Variants in ABCB5 observed in about 807,000 individuals in gnomAD.
ABCB5 encodes ATP-binding cassette sub-family B member 5.
Under a neutral mutation model 144.2 loss-of-function variants are expected in ABCB5, and 155 were observed. The observed-to-expected ratio is 1.08, with a 90% CI of 0.94 to 1.23. ABCB5 has a LOEUF of 1.23. Among genes scored for constraint, ABCB5 ranks in the 50% most tolerant of loss-of-function variants. The pLI is 0.00. For synonymous variants in ABCB5, 610 were observed against 528.6 expected, an observed-to-expected ratio of 1.15 and a Z score of -2.11; for missense variants, 1,830 against 1,520.8, an observed-to-expected ratio of 1.20 and a Z score of -3.38.
intron 20 of ABCB5, among the ~76,000 whole-genome samples, chr7:20,717,319 C>G (rs1445099971): frequency 1.3e-5 from 2 of 152,084 alleles, no homozygotes; most frequent in Admixed American, 1.3e-4. Flanking sequence ...AGCCCAAGAA[C>G]AAGATGTCCG....
chr7:20,707,018 A>G (rs1217710049), intron 20 of ABCB5, among the ~76,000 whole-genome samples: 1 of 152,194 alleles, frequency 6.6e-6, no homozygotes, highest in Non-Finnish European at 1.5e-5. Context: ...TTGTTTACCA[A>G]ACTTATTTGT....
chr7:20,705,985 A>G (rs543998033), intron 20 of ABCB5, among the ~76,000 whole-genome samples: 121 of 152,150 alleles, frequency 8.0e-4, no homozygotes, highest in Non-Finnish European at 1.4e-3. Context: ...GGGCATCTTC[A>G]TCTCTTCCTG....
intron 1 of ABCB5, among the ~76,000 whole-genome samples, chr7:20,620,998 G>A (rs1349054625): frequency 6.6e-6 from 1 of 152,100 alleles, no homozygotes. Flanking sequence ...CAATCCAAGT[G>A]TCCATCAACA....
intron 5 of ABCB5, among the ~76,000 whole-genome samples, chr7:20,642,331 C>T (rs1318161536): frequency 6.6e-6 from 1 of 152,124 alleles, no homozygotes; most frequent in Non-Finnish European, 1.5e-5. Flanking sequence ...AAATATTTTT[C>T]CTCTCCCTGG....
At chr7:20,682,782 C>T (rs745518061) in intron 15 of ABCB5, among the ~76,000 whole-genome samples, 4 of 152,108 alleles carry the variant, frequency 2.6e-5, no homozygotes, top group Non-Finnish European at 4.4e-5. Flanking sequence ...CACAGATGGA[C>T]CAGAAAGCTC....
chr7:20,662,974 G>C (rs976572376), intron 14 of ABCB5, among the ~76,000 whole-genome samples: 3 of 152,172 alleles, frequency 2.0e-5, no homozygotes, highest in Admixed American at 1.3e-4. Flanking sequence ...GATGATAACA[G>C]CTAATCCTCA....
chr7:20,680,346 C>T (rs1399271841), intron 14 of ABCB5, among the ~76,000 whole-genome samples: 2 of 152,088 alleles, frequency 1.3e-5, no homozygotes, highest in African/African-American at 4.8e-5. Context: ...ATCACAAGGT[C>T]AGGAGATCGA....
intron 14 of ABCB5, among the ~76,000 whole-genome samples, chr7:20,668,108 A>G (rs1254188351): frequency 2.3e-4 from 26 of 113,674 alleles, no homozygotes; most frequent in African/African-American, 8.4e-4. Context: ...TTGGCCTCCC[A>G]AAGTGCCGAG....
At chr7:20,701,103 G>C (rs1371945245) in intron 19 of ABCB5, among the ~76,000 whole-genome samples, 1 of 152,150 alleles carries the variant, frequency 6.6e-6, no homozygotes, top group African/African-American at 2.4e-5. Flanking sequence ...GTGCAAAAAG[G>C]TCCCATTTCT....
Position 20,686,637 on chromosome 7 carries a change from C to T in ABCB5, c.2010+801C>T, listed in dbSNP as rs114774768. The stretch of plus-strand genomic sequence containing the variant: ...CAAACCCAGTCGACCTTTGCTAGCC[C>T]CTGGTGCTCTGTAACCTCACATGCC... On this transcript the variant is annotated intron_variant, in intron 16 of 27. Coordinates refer to ENST00000404938, the MANE Select transcript of ABCB5 (RefSeq NM_001163941.2). Among the ~76,000 whole-genome samples the T allele has an allele frequency of 7.8e-3, 1,182 of 152,214 alleles. 13 individuals are homozygous for T. Among genetic ancestry groups the T allele is most frequent in the African/African-American group, 0.027 (1,124 of 41,548 alleles).
intron 20 of ABCB5, among the ~76,000 whole-genome samples, chr7:20,711,550 C>T (rs960149331): frequency 6.1e-5 from 9 of 147,738 alleles, no homozygotes; most frequent in Non-Finnish European, 1.3e-4. Context: ...CAGCCTTGAC[C>T]TACCAGGCTC....
intron 13 of ABCB5, among the ~76,000 whole-genome samples, 190 bp from the exon 14 acceptor site, chr7:20,658,316 T>G (rs1357345313): frequency 6.8e-6 from 1 of 147,154 alleles, no homozygotes; most frequent in Non-Finnish European, 1.5e-5. Flanking sequence ...ATGTCCTCTC[T>G]TCTTTGGGCT....
chr7:20,732,450 T>G (rs1332482712), intron 23 of ABCB5, among the ~76,000 whole-genome samples: 1 of 152,246 alleles, frequency 6.6e-6, no homozygotes, highest in Non-Finnish European at 1.5e-5. Context: ...GTAACCTATC[T>G]TGTTCACTGA....
chr7:20,744,687 C>T (rs945871169), intron 25 of ABCB5, among the ~76,000 whole-genome samples: 3 of 151,908 alleles, frequency 2.0e-5, no homozygotes, highest in African/African-American at 7.3e-5. Flanking sequence ...GGGTGCAGCA[C>T]ACCAACATGG....
intron 12 of ABCB5, 116 bp downstream of exon 12, chr7:20,650,263 T>C (rs1784541526): frequency 7.5e-6 from 10 of 1,336,766 alleles, no homozygotes; most frequent in Admixed American, 2.5e-5. Context: ...AGAAGCCATA[T>C]TGTTTTCTTT....
At chr7:20,710,794 G>T (rs1044462269) in intron 20 of ABCB5, among the ~76,000 whole-genome samples, 2 of 150,058 alleles carry the variant, frequency 1.3e-5, no homozygotes, top group African/African-American at 4.9e-5. Flanking sequence ...AAATGATTAG[G>T]TTTAAGTCTC....
At position 20,651,425 on chromosome 7, in the gene ABCB5, G is replaced by A. The variant is rs752774628; in HGVS notation, c.1338G>A (p.Met446Ile). 24 of 1,613,768 alleles carry A rather than the reference G, an allele frequency of 1.5e-5. No homozygotes were observed. The highest frequency in any genetic ancestry group is 2.0e-5 in the Non-Finnish European group (24 of 1,179,928). The change falls in exon 13 of 28, where the codon ATG becomes ATA. Residue 446 changes from methionine (M) to isoleucine (I), a missense_variant. Met to Ile is a conservative substitution (Grantham distance 10). Coordinates refer to ENST00000404938, the MANE Select transcript of ABCB5 (RefSeq NM_001163941.2). The stretch of plus-strand genomic sequence containing the variant: ...TTCATTCTTTGGATTGGCAGATCAT[G>A]GTGGATGAGAATGACATCAGAGCTT... The part of the protein sequence containing the change: ...RLYDPDDGFI[M>I]VDENDIRALN...
intron 14 of ABCB5, among the ~76,000 whole-genome samples, chr7:20,675,540 T>A (rs1017520411): frequency 6.6e-6 from 1 of 152,014 alleles, no homozygotes; most frequent in Non-Finnish European, 1.5e-5. Context: ...AAACTTAAAA[T>A]GAAACTGTAA....
At chr7:20,651,106 G>A (rs527385230) in intron 12 of ABCB5, among the ~76,000 whole-genome samples, 79 of 152,272 alleles carry the variant, frequency 5.2e-4, no homozygotes, top group African/African-American at 1.9e-3. Flanking sequence ...TTTTTTGTAT[G>A]TGTCTACATA....
Sources: gnomAD v4.1 joint callset for allele counts (sites outside exome capture counted in the v4.1 genomes callset) on GRCh38, gnomAD v4.1.1 for gene constraint, MANE v1.5 for transcripts, NCBI Gene and HGNC (gene_info 2026-07-23, HGNC 2026-07-21) for gene names.